Variants in NRXN1 observed in about 807,000 individuals in gnomAD.
NRXN1 encodes neurexin-1.
Under a neutral mutation model 150.9 loss-of-function variants are expected in NRXN1, and 39 were observed. The observed-to-expected ratio is 0.26, with a 90% CI of 0.20 to 0.34. NRXN1 has a LOEUF of 0.34. Among genes scored for constraint, NRXN1 ranks in the 10% least tolerant of loss-of-function variants. The probability of loss-of-function intolerance (pLI) is 1.00; values close to 1 mark genes in which losing one functional copy is unlikely to be tolerated. For synonymous variants in NRXN1, 924 were observed against 757.0 expected (o/e 1.22, Z -3.62); for missense variants, 1,815 against 1,949.9 (o/e 0.93, Z 1.30).
intron 18 of NRXN1, among the ~76,000 whole-genome samples, chr2:50,107,539 A>ATATATATTTTTT (rs59921941): frequency 2.9e-4 from 38 of 129,874 alleles, no homozygotes; most frequent in African/African-American, 9.7e-4. Flanking sequence ...ATATATATAT[A>ATATATATTTTTT]TTTTTTTTTT....
In NRXN1 at chr2:50,538,476, G is replaced by A. The variant is rs200740423; in HGVS notation, c.1920C>T (p.Tyr640=). 38 of 1,613,740 alleles carry A rather than the reference G, an allele frequency of 2.4e-5. No individual in the cohort carries two copies. In the East Asian group the frequency reaches 2.7e-4, roughly 11 times the overall value. The change falls in exon 10 of 23, where the codon TAC becomes TAT. Residue 640 remains tyrosine, a synonymous_variant. Transcript: ENST00000401669. ...EVWTALLNYG[Y]VGCIRDLFID... is the part of the protein sequence containing the mutation. Reference sequence around the variant, plus strand: ...TGAACAAATCCCTGATGCAGCCCACGTAGCCATAGTTGAGCAGAGCAGTCC... The same window carrying A: ...TGAACAAATCCCTGATGCAGCCCACATAGCCATAGTTGAGCAGAGCAGTCC...
rs553864311 is a variant in NRXN1, at chr2:50,467,873, CT to C, written c.3245-2313del. On this transcript the variant is annotated intron_variant, in intron 16 of 22. Coordinates refer to ENST00000401669, the MANE Select transcript of NRXN1 (RefSeq NM_001330078.2). ...AAGAACCACTAAACTCAACTTAGTT[CT>C]TTGTAGTAAAGAAATAAGAACCACT... Among the ~76,000 whole-genome samples, 430 of 151,310 alleles carry C rather than the reference CT, an allele frequency of 2.8e-3. 5 individuals are homozygous for C. The highest frequency in any genetic ancestry group is 0.017 in the South Asian group (82 of 4,818).
In NRXN1 at chr2:50,623,456, A is replaced by T; in HGVS notation, c.992T>A (p.Val331Asp). The T allele has an allele frequency of 6.2e-7, 1 of 1,613,480 alleles. No individual in the cohort carries two copies. The highest frequency in any genetic ancestry group is 8.5e-7 in the Non-Finnish European group (1 of 1,179,558). Residue 331 changes from valine (V) to aspartate (D), a missense_variant, in exon 6 of 23, where the codon GTC becomes GAC. This residue lies in a region of NRXN1 where 554 missense variants were observed against 478.8 expected (regional missense o/e 1.16). Coordinates refer to ENST00000401669, the MANE Select transcript of NRXN1 (RefSeq NM_001330078.2). ...AGCTCCATTTTTCAGGGCAAGATTG[A>T]CATAATCAGCCGATTTCCCAGTGTG... ...MLHTGKSADY[V>D]NLALKNGAVS...
intron 5 of NRXN1, among the ~76,000 whole-genome samples, chr2:50,713,263 G>A (rs1389047336): frequency 6.6e-6 from 1 of 151,304 alleles, no homozygotes; most frequent in Non-Finnish European, 1.5e-5. Context: ...GCAGTGAGCC[G>A]AGATAGTACC....
chr2:49,957,040 G>C (rs1282828213), intron 21 of NRXN1, among the ~76,000 whole-genome samples: 2 of 152,134 alleles, frequency 1.3e-5, no homozygotes, highest in Non-Finnish European at 2.9e-5. Context: ...AGGCATCCCT[G>C]CTTTGAATTG....
intron 21 of NRXN1, among the ~76,000 whole-genome samples, chr2:50,026,046 A>T (rs1033367880): frequency 6.6e-6 from 1 of 152,218 alleles, no homozygotes; most frequent in Non-Finnish European, 1.5e-5. Flanking sequence ...ATATACAGGC[A>T]TATGGCTTGC....
chr2:50,759,676 A>C (rs1005118200), intron 5 of NRXN1, among the ~76,000 whole-genome samples: 53 of 152,026 alleles, frequency 3.5e-4, no homozygotes, highest in African/African-American at 1.2e-3. Flanking sequence ...GTTACGGTCT[A>C]TTCTTGATTT....
At chr2:49,970,780 T>C (rs1247554164) in intron 21 of NRXN1, among the ~76,000 whole-genome samples, 1 of 152,158 alleles carries the variant, frequency 6.6e-6, no homozygotes, top group Non-Finnish European at 1.5e-5. Context: ...TTATTGTTTA[T>C]GTCTTTAATA....
intron 5 of NRXN1, among the ~76,000 whole-genome samples, chr2:50,670,011 T>C (rs1051815487): frequency 9.2e-5 from 14 of 151,822 alleles, no homozygotes; most frequent in Non-Finnish European, 1.8e-4. Flanking sequence ...ATTTTTGTTA[T>C]AGACAAAATA....
At chr2:50,319,545 C>G (rs2075860924) in intron 17 of NRXN1, among the ~76,000 whole-genome samples, 1 of 152,056 alleles carries the variant, frequency 6.6e-6, no homozygotes, top group African/African-American at 2.4e-5. Context: ...CCTTTCTGAA[C>G]TAATTTCTGA....
At chr2:50,475,220 G>T (rs142671912) in intron 15 of NRXN1, among the ~76,000 whole-genome samples, 11 of 152,076 alleles carry the variant, frequency 7.2e-5, no homozygotes, top group African/African-American at 2.6e-4. Context: ...CTCAGTAATA[G>T]AAATTATGTA....
chr2:50,190,819 G>A (rs1224879144), intron 18 of NRXN1, among the ~76,000 whole-genome samples: 1 of 151,294 alleles, frequency 6.6e-6, no homozygotes, highest in Non-Finnish European at 1.5e-5. Flanking sequence ...TTCCATGTTG[G>A]TCAGGCTGGT....
At chr2:51,001,386 C>T (rs1430216961) in intron 2 of NRXN1, among the ~76,000 whole-genome samples, 4 of 151,672 alleles carry the variant, frequency 2.6e-5, no homozygotes, top group African/African-American at 9.7e-5. Flanking sequence ...TCCAAAACAG[C>T]AATTTGATAA....
intron 8 of NRXN1, among the ~76,000 whole-genome samples, chr2:50,556,486 G>T (rs1668277546): frequency 6.7e-6 from 1 of 149,704 alleles, no homozygotes; most frequent in South Asian, 2.1e-4. Context: ...TAGAACCAAG[G>T]TTTCTTTGGG....
intron 5 of NRXN1, among the ~76,000 whole-genome samples, chr2:50,908,690 C>T (rs1410235105): frequency 1.3e-5 from 2 of 151,958 alleles, no homozygotes; most frequent in African/African-American, 4.8e-5. Flanking sequence ...AATGTGTTCC[C>T]CAAATTTTGT....
intron 17 of NRXN1, among the ~76,000 whole-genome samples, chr2:50,295,139 G>A (rs1325253868): frequency 1.3e-5 from 2 of 152,110 alleles, no homozygotes; most frequent in East Asian, 1.9e-4. Flanking sequence ...CTATGCCCTG[G>A]CCTTCCTCCC....
At chr2:50,830,851 A>G (rs1474547838) in intron 5 of NRXN1, among the ~76,000 whole-genome samples, 3 of 152,016 alleles carry the variant, frequency 2.0e-5, no homozygotes, top group Non-Finnish European at 2.9e-5. Flanking sequence ...TTCACTCTTA[A>G]GTATAGACCC....
intron 2 of NRXN1, among the ~76,000 whole-genome samples, chr2:50,963,677 C>T (rs941407257): frequency 3.4e-4 from 52 of 151,542 alleles, no homozygotes; most frequent in Admixed American, 3.3e-4. Context: ...AAGCAAGATA[C>T]GGTGATTTTT....
At chr2:50,866,069 C>T (rs1202840379) in intron 5 of NRXN1, among the ~76,000 whole-genome samples, 1 of 151,724 alleles carries the variant, frequency 6.6e-6, no homozygotes, top group East Asian at 2.0e-4. Flanking sequence ...CCAAATTGGT[C>T]TGTCTCTGGC....
Sources: allele counts gnomAD v4.1 joint callset (sites outside exome capture counted in the v4.1 genomes callset), GRCh38; gene constraint gnomAD v4.1.1; regional missense constraint gnomAD v4.1.1; transcripts MANE v1.5; gene names NCBI Gene and HGNC (gene_info 2026-07-23, HGNC 2026-07-21).